The following SPOCK1 variants were observed in gnomAD, a reference collection of about 807,000 sequenced individuals.
The protein encoded by SPOCK1 is testican-1.
Under a neutral mutation model 55.3 loss-of-function variants are expected in SPOCK1, and 23 were observed. The ratio of observed to expected loss-of-function variants is 0.42; its 90% CI spans 0.30 to 0.59. The LOEUF (loss-of-function observed/expected upper bound fraction) is 0.59. SPOCK1 is among the 20% of genes least tolerant of loss of function. The pLI is 0.22. For missense variants in SPOCK1, 499 were observed against 552.5 expected (o/e 0.90, Z 0.97); for synonymous variants, 226 against 221.0 (o/e 1.02, Z -0.20).
At chr5:137,430,053 A>C (rs1752710593) in intron 2 of SPOCK1, among the ~76,000 whole-genome samples, 1 of 152,190 alleles carries the variant, frequency 6.6e-6, no homozygotes, top group Admixed American at 6.5e-5. Context: ...AGCATTTCAT[A>C]TTGAGCAGTT....
chr5:136,978,812 T>C lies in SPOCK1; in HGVS notation c.1162A>G (p.Ser388Gly). The C allele has an allele frequency of 6.2e-7, 1 of 1,612,476 alleles. No individual in the cohort carries two copies. Among genetic ancestry groups the C allele is most frequent in the Non-Finnish European group, 8.5e-7 (1 of 1,179,438 alleles). The change falls in exon 11 of 11, where the codon AGT (serine) becomes GGT (glycine). Residue 388 changes from serine (S) to glycine (G), a missense_variant. By Grantham distance (56) the Ser-to-Gly change is moderately conservative. Transcript: ENST00000394945. ...TCCAGCAGGACCACGGACCCACCAC[T>C]GCCAAAATCCCCTGAGGTTTCCTGC... ...EEQETSGDFGSGGSVVLLDDL... is the reference protein window; with the variant it reads ...EEQETSGDFGGGGSVVLLDDL...
rs1256085432 is a variant in SPOCK1, at chr5:137,417,247, C to A, written c.186+81126G>T. ...TTGAGTCCTATCTAAAAAATCTTTG[C>A]CTACTCCAAGGTAATGAAGATTTTC... On this transcript the variant is annotated intron_variant, in intron 2 of 10. Transcript: ENST00000394945. Among the ~76,000 whole-genome samples, 3 of 151,254 alleles carry A rather than the reference C, an allele frequency of 2.0e-5. No individual in the cohort carries two copies. The South Asian group carries it at 6.2e-4, about 31-fold the overall frequency.
At chr5:137,108,916 T>C (rs530917789) in intron 5 of SPOCK1, among the ~76,000 whole-genome samples, 38 of 152,234 alleles carry the variant, frequency 2.5e-4, no homozygotes, top group Non-Finnish European at 5.0e-4. Flanking sequence ...TCAACTTTCC[T>C]GCCCAAACTA....
At chr5:137,487,747 C>T (rs1453581942) in intron 2 of SPOCK1, among the ~76,000 whole-genome samples, 1 of 152,170 alleles carries the variant, frequency 6.6e-6, no homozygotes, top group Non-Finnish European at 1.5e-5. Flanking sequence ...TTCCACTGTG[C>T]TCATGTGTGC....
At chr5:137,212,991 C>T (rs530171434) in intron 3 of SPOCK1, among the ~76,000 whole-genome samples, 21 of 152,266 alleles carry the variant, frequency 1.4e-4, no homozygotes, top group African/African-American at 4.6e-4. Flanking sequence ...GAGGTCAAGG[C>T]CATGAGTCTT....
At chr5:137,167,287 TGCACCCAAAACTGGA>T (rs1303103628) in intron 3 of SPOCK1, among the ~76,000 whole-genome samples, 1 of 152,094 alleles carries the variant, frequency 6.6e-6, no homozygotes, top group East Asian at 1.9e-4. Context: ...TAAATCTATT[TGCACCCAAAACTGGA>T]GCACCCAGAT....
At chr5:137,311,062 C>T (rs1479289979) in intron 2 of SPOCK1, among the ~76,000 whole-genome samples, 1 of 152,148 alleles carries the variant, frequency 6.6e-6, no homozygotes, top group Non-Finnish European at 1.5e-5. Flanking sequence ...ATGTGTTTTC[C>T]TCTTAAAAAG....
At chr5:137,156,282 C>T (rs1477809341) in intron 3 of SPOCK1, among the ~76,000 whole-genome samples, 3 of 152,134 alleles carry the variant, frequency 2.0e-5, no homozygotes, top group Non-Finnish European at 4.4e-5. Flanking sequence ...CCTCTGCTGT[C>T]CTGGCTTCCA....
In SPOCK1 at chr5:137,453,679, G is replaced by A. The variant is rs115656073; in HGVS notation, c.186+44694C>T. On this transcript the variant is annotated intron_variant, in intron 2 of 10. Coordinates refer to ENST00000394945, the MANE Select transcript of SPOCK1 (RefSeq NM_004598.4). Reference sequence around the variant, plus strand: ...TTCTTAATAAGCCTATCAGCACCACGGACAGTTCCAATTAGCATTGCTGAG... The same window carrying A: ...TTCTTAATAAGCCTATCAGCACCACAGACAGTTCCAATTAGCATTGCTGAG... Among the ~76,000 whole-genome samples the A allele has an allele frequency of 8.5e-3, 1,299 of 152,190 alleles. 18 individuals are homozygous for A. The highest frequency in any genetic ancestry group is 0.03 in the African/African-American group (1,236 of 41,522).
chr5:137,450,057 C>T (rs573054927), intron 2 of SPOCK1, among the ~76,000 whole-genome samples: 1 of 151,854 alleles, frequency 6.6e-6, no homozygotes, highest in East Asian at 1.9e-4. Context: ...ATGGTAGATA[C>T]CTCCCAAAAA....
At chr5:137,218,143 C>T (rs1334519875) in intron 3 of SPOCK1, among the ~76,000 whole-genome samples, 3 of 152,218 alleles carry the variant, frequency 2.0e-5, no homozygotes, top group Non-Finnish European at 2.9e-5. Flanking sequence ...AAGCTCGATC[C>T]TTTATCTTCA....
intron 2 of SPOCK1, among the ~76,000 whole-genome samples, chr5:137,279,255 C>T (rs17725546): frequency 0.12 from 17,876 of 152,234 alleles, 1,320 homozygotes; most frequent in East Asian, 0.25. Context: ...ACTACCCTTA[C>T]CCTCTTGAAA....
chr5:137,467,976 A>T (rs1279364696), intron 2 of SPOCK1, among the ~76,000 whole-genome samples: 1 of 152,166 alleles, frequency 6.6e-6, no homozygotes, highest in Non-Finnish European at 1.5e-5. Flanking sequence ...AATAAAATCC[A>T]CTTTGGTTTC....
At chr5:137,133,534 G>A (rs1185705907) in intron 4 of SPOCK1, among the ~76,000 whole-genome samples, 1 of 152,122 alleles carries the variant, frequency 6.6e-6, no homozygotes, top group Non-Finnish European at 1.5e-5. Flanking sequence ...ACTCTCTGCT[G>A]CTTGTCATCA....
chr5:136,982,894 T>C (rs543006279), intron 9 of SPOCK1, among the ~76,000 whole-genome samples: 1 of 152,234 alleles, frequency 6.6e-6, no homozygotes, highest in Non-Finnish European at 1.5e-5. Context: ...CACACTTGAA[T>C]GATCACTGGG....
intron 6 of SPOCK1, among the ~76,000 whole-genome samples, chr5:137,005,720 G>A (rs1385671707): frequency 3.9e-5 from 6 of 151,930 alleles, no homozygotes; most frequent in Non-Finnish European, 4.4e-5. Flanking sequence ...AAATAAAGAA[G>A]GAATTACAGA....
chr5:137,413,404 A>G (rs1481161310), intron 2 of SPOCK1, among the ~76,000 whole-genome samples: 1 of 152,208 alleles, frequency 6.6e-6, no homozygotes, highest in Non-Finnish European at 1.5e-5. Flanking sequence ...AACTTCTCTT[A>G]TTTCAAAATT....
intron 2 of SPOCK1, among the ~76,000 whole-genome samples, chr5:137,386,806 G>T (rs1159262983): frequency 6.6e-6 from 1 of 152,042 alleles, no homozygotes; most frequent in African/African-American, 2.4e-5. Context: ...GAATCGATAA[G>T]CTGGACCTCA....
At chr5:137,217,247 C>G (rs961873789) in intron 3 of SPOCK1, among the ~76,000 whole-genome samples, 1 of 152,190 alleles carries the variant, frequency 6.6e-6, no homozygotes, top group Non-Finnish European at 1.5e-5. Flanking sequence ...TAAATCACTC[C>G]CCAGAGCCCG....
Sources: gnomAD v4.1 joint callset for allele counts (sites outside exome capture counted in the v4.1 genomes callset) on GRCh38, gnomAD v4.1.1 for gene constraint, MANE v1.5 for transcripts, NCBI Gene and HGNC (gene_info 2026-07-23, HGNC 2026-07-21) for gene names.